Variants in AHCY observed in about 807,000 individuals in gnomAD.
The protein encoded by AHCY is S-adenosyl-L-homocysteine hydrolase.
AHCY carries 24 observed loss-of-function variants against 45.4 expected under a neutral mutation model. The observed-to-expected ratio is 0.53, with a 90% CI of 0.38 to 0.74. The LOEUF (loss-of-function observed/expected upper bound fraction) is 0.74. Among genes scored for constraint, AHCY ranks in the 30% least tolerant of loss-of-function variants. AHCY has a pLI of 0.00. For missense variants in AHCY, 449 were observed against 594.1 expected (o/e 0.76, Z 2.54); for synonymous variants, 245 against 235.1 (o/e 1.04, Z -0.39).
At chr20:34,250,894 C>T in the AHCY span, among the ~76,000 whole-genome samples, 1 of 152,066 alleles carries the variant, frequency 6.6e-6, no homozygotes, top group Non-Finnish European at 1.5e-5. Flanking sequence ...CCAGTGCTGT[C>T]GCTAAGGGGA....
At chr20:34,284,246 A>G (rs946556390) in intron 9 of AHCY, among the ~76,000 whole-genome samples, 5 of 151,500 alleles carry the variant, frequency 3.3e-5, no homozygotes, top group Non-Finnish European at 5.9e-5. Context: ...TGCAACCTCC[A>G]CCTCCTGGGT....
the AHCY span, among the ~76,000 whole-genome samples, chr20:34,273,220 C>T: frequency 1.2e-4 from 10 of 83,824 alleles, no homozygotes; most frequent in African/African-American, 2.9e-4. Context: ...CTTGTGGTGA[C>T]CCTTTTTTTT....
the AHCY span, chr20:34,260,502 A>G: frequency 1.2e-6 from 2 of 1,613,750 alleles, no homozygotes; most frequent in Non-Finnish European, 1.7e-6. Context: ...TCCTCTGTGA[A>G]CCTACTGGAT....
At chr20:34,303,003 G>A in intron 1 of AHCY, 2 of 985,440 alleles carry the variant, frequency 2.0e-6, no homozygotes, top group Non-Finnish European at 1.2e-6. Context: ...CTCGCAGACC[G>A]CGCGGCGGCC....
chr20:34,235,897 G>A, the AHCY span, among the ~76,000 whole-genome samples: 424 of 64,996 alleles, frequency 6.5e-3, 28 homozygotes, highest in Non-Finnish European at 7.8e-3. Flanking sequence ...AAGGAAGGAA[G>A]GAAAGGAAGG....
At chr20:34,301,934 A>G (rs1457169958) in intron 1 of AHCY, 1 of 985,242 alleles carries the variant, frequency 1.0e-6, no homozygotes, top group African/African-American at 1.7e-5. Context: ...CACGTAAATC[A>G]CCAGATATAC....
intron 9 of AHCY, among the ~76,000 whole-genome samples, chr20:34,283,657 C>T (rs1264403166): frequency 6.6e-6 from 1 of 152,222 alleles, no homozygotes; most frequent in Non-Finnish European, 1.5e-5. Flanking sequence ...CATATTTCTC[C>T]CAACTGGGAT....
At chr20:34,246,612 A>G in the AHCY span, 8 of 645,036 alleles carry the variant, frequency 1.2e-5, no homozygotes, top group Middle Eastern at 4.3e-4. Context: ...ACATGCCACC[A>G]TGCCTGACTA....
upstream of AHCY, among the ~76,000 whole-genome samples, chr20:34,305,364 G>T (rs867453083): frequency 2.0e-5 from 3 of 151,948 alleles, no homozygotes; most frequent in South Asian, 2.1e-4. Flanking sequence ...GGTCTTCTAT[G>T]ACATAGTAAA....
the AHCY span, chr20:34,246,384 T>C: frequency 7.1e-7 from 1 of 1,417,440 alleles, no homozygotes; most frequent in Non-Finnish European, 9.8e-7. Flanking sequence ...AACCATTGTT[T>C]ACAATGAGCA....
intron 1 of AHCY, among the ~76,000 whole-genome samples, chr20:34,308,709 A>G (rs2036919023): frequency 6.7e-6 from 1 of 148,536 alleles, no homozygotes; most frequent in African/African-American, 2.5e-5. Context: ...GCTGGGGTGC[A>G]GTGGTGCGAT....
chr20:34,308,106 A>G (rs1390286211), upstream of AHCY, among the ~76,000 whole-genome samples: 5 of 152,154 alleles, frequency 3.3e-5, no homozygotes, highest in Non-Finnish European at 5.9e-5. Flanking sequence ...AGTTGCATCT[A>G]TGTTCCTGCA....
the AHCY span, among the ~76,000 whole-genome samples, chr20:34,267,459 C>CAAAAAAAAAA: frequency 2.2e-5 from 1 of 46,276 alleles, no homozygotes; most frequent in South Asian, 9.6e-4. Context: ...AACTGGCTCT[C>CAAAAAAAAAA]AAAAAAAAAA....
In AHCY at chr20:34,295,595, G is replaced by A. The variant is rs1320943876; in HGVS notation, c.29-10C>T. On this transcript the variant is annotated splice_polypyrimidine_tract_variant and intron_variant, in intron 1 of 9. Coordinates refer to ENST00000217426, the MANE Select transcript of AHCY (RefSeq NM_000687.4). ...GCCAGGCCGATGTCGGCTACGGGAG[G>A]AAACAGGTGGGAGTTCCGTGAGTCC... The A allele has an allele frequency of 6.2e-7, 1 of 1,613,342 alleles. No homozygotes were observed. The highest frequency in any genetic ancestry group is 1.1e-5 in the South Asian group (1 of 90,892).
chr20:34,293,954 G>C lies in AHCY; in HGVS notation c.295+127C>G, dbSNP rs971194688. 3 of 957,422 alleles carry C rather than the reference G, an allele frequency of 3.1e-6. No homozygotes were observed. The East Asian group carries it at 7.7e-5, about 25-fold the overall frequency. The allele number at this position is 957,422 out of a possible 1,614,324, so 59.3% of individuals were successfully genotyped here. A position where few individuals can be genotyped will look rare whatever the true frequency, so the allele number is the denominator to read the frequency against. On this transcript the variant is annotated intron_variant, in intron 3 of 9. Coordinates refer to ENST00000217426, the MANE Select transcript of AHCY (RefSeq NM_000687.4). ...TCTTTCCTGTGGGGTCGCTGGGCTA[G>C]GATTTTGTGGCGGTGACTCCTCTCC...
the AHCY span, among the ~76,000 whole-genome samples, chr20:34,270,317 T>C: frequency 6.6e-6 from 1 of 151,932 alleles, no homozygotes; most frequent in African/African-American, 2.4e-5. Context: ...TCCTGTTCCC[T>C]CTCTGTTCCT....
chr20:34,235,848 G>A, the AHCY span, among the ~76,000 whole-genome samples: 4,971 of 37,720 alleles, frequency 0.13, 197 homozygotes, highest in East Asian at 0.16. Flanking sequence ...AAAGAAGGAA[G>A]GAAGGAAGGA....
chr20:34,309,497 C>T (rs1350885037), intron 1 of AHCY, among the ~76,000 whole-genome samples: 1 of 152,158 alleles, frequency 6.6e-6, no homozygotes. Context: ...GCAAGACCTC[C>T]TCTCTTAAAA....
chr20:34,282,831 A>C (rs937680486), intron 9 of AHCY, among the ~76,000 whole-genome samples: 1 of 152,170 alleles, frequency 6.6e-6, no homozygotes, highest in Non-Finnish European at 1.5e-5. Flanking sequence ...CTCTCTCATG[A>C]GGTAGGCCTC....
Sources: allele counts gnomAD v4.1 joint callset (sites outside exome capture counted in the v4.1 genomes callset), GRCh38; gene constraint gnomAD v4.1.1; transcripts MANE v1.5; gene names NCBI Gene and HGNC (gene_info 2026-07-23, HGNC 2026-07-21).